Variants in C15orf62 observed in about 807,000 individuals in gnomAD.
C15orf62 encodes chromosome 15 open reading frame 62, also known as uncharacterized protein C15orf62, mitochondrial.
In C15orf62, 11 loss-of-function variants were observed where a neutral mutation model predicts 13.2. The ratio of observed to expected loss-of-function variants is 0.83; its 90% CI spans 0.52 to 1.38. The LOEUF (loss-of-function observed/expected upper bound fraction) is 1.38. Among genes scored for constraint, C15orf62 ranks in the 40% most tolerant of loss-of-function variants. The probability of loss-of-function intolerance (pLI) is 0.00; values close to 1 mark genes in which losing one functional copy is unlikely to be tolerated. For synonymous variants in C15orf62, 88 were observed against 95.6 expected, an observed-to-expected ratio of 0.92 and a Z score of 0.46; for missense variants, 204 against 229.1, an observed-to-expected ratio of 0.89 and a Z score of 0.71.
Position 40,770,261 on chromosome 15 carries a change from G to C in C15orf62, c.-235G>C, listed in dbSNP as rs1392414887. 3.6e-6 allele frequency: 2 copies of C among 560,342 alleles called. No homozygotes were observed. Among genetic ancestry groups the C allele is most frequent in the East Asian group, 3.0e-5 (1 of 33,758 alleles). The allele number at this position is 560,342 out of a possible 1,614,324, so 34.7% of individuals were successfully genotyped here. A position where few individuals can be genotyped will look rare whatever the true frequency, so the allele number is the denominator to read the frequency against. ...TAACCAGGCCACTCCTGTCCCTGTG[G>C]GAAACTCTTGCTGCCAGGAACTCCC... On this transcript the variant is annotated 5_prime_UTR_variant, in exon 1 of 1. Coordinates refer to ENST00000344320, the MANE Select transcript of C15orf62 (RefSeq NM_001130448.3). This position sits in a 1 kb window ranked among gnomAD's most constrained non-coding sequence, Gnocchi z 5.0.
chr15:40,771,425 G>A lies in C15orf62; in HGVS notation c.*402G>A. On this transcript the variant is annotated 3_prime_UTR_variant, in exon 1 of 1. Coordinates refer to ENST00000344320, the MANE Select transcript of C15orf62 (RefSeq NM_001130448.3). ...CAGGGAGTGGGAGGACACAGACTGA[G>A]CAGAAGAGATGAGTGCCCCATGCCA... 1 of 233,970 alleles carries A rather than the reference G, an allele frequency of 4.3e-6. No homozygotes were observed. Among genetic ancestry groups the A allele is most frequent in the Non-Finnish European group, 9.2e-6 (1 of 108,814 alleles). The allele number at this position is 233,970 out of a possible 1,614,324, so 14.5% of individuals were successfully genotyped here.
Position 40,771,104 on chromosome 15 carries a change from A to AGCGATG in C15orf62, c.*82_*83insCGATGG. Reference sequence around the variant, plus strand: ...AAGGAAAGGACAGGGACAGGACTCCAGGCCCATCGCTGGAGGGTTCAGGCA... The same window carrying AGCGATG: ...AAGGAAAGGACAGGGACAGGACTCCAGCGATGGGCCCATCGCTGGAGGGTTCAGGCA... On this transcript the variant is annotated 3_prime_UTR_variant, in exon 1 of 1. Transcript: ENST00000344320. The AGCGATG allele has an allele frequency of 7.5e-7, 1 of 1,335,732 alleles. No homozygotes were observed. The allele number at this position is 1,335,732 out of a possible 1,614,324, so 82.7% of individuals were successfully genotyped here.
Position 40,770,351 on chromosome 15 carries a change from G to A in C15orf62, c.-145G>A. The A allele has an allele frequency of 1.3e-6, 1 of 759,130 alleles. No homozygotes were observed. Among genetic ancestry groups the A allele is most frequent in the Non-Finnish European group, 2.1e-6 (1 of 482,908 alleles). 47.0% of individuals were successfully genotyped at this position (759,130 alleles called of 1,614,324 possible). On this transcript the variant is annotated 5_prime_UTR_variant, in exon 1 of 1. It adds an upstream start codon to the 5' untranslated region. Transcript: ENST00000344320. This position sits in a 1 kb window ranked among gnomAD's most constrained non-coding sequence, Gnocchi z 5.0. ...GAGCCCTCCTCTCACCATCCAAGAT[G>A]TGGTCAAAGGTCTGTGCTGAGTGGA...
chr15:40,771,257 G>T lies in C15orf62; in HGVS notation c.*234G>T, dbSNP rs117477898. 20 of 568,136 alleles carry T rather than the reference G, an allele frequency of 3.5e-5. No homozygotes were observed. Among genetic ancestry groups the T allele is most frequent in the Middle Eastern group, 4.8e-4 (1 of 2,092 alleles). The allele number at this position is 568,136 out of a possible 1,614,324, so 35.2% of individuals were successfully genotyped here. ...GGACAGAGGCAATCTGGAAATGTTG[G>T]GGGGGCGGCCCTTCCTGGCAGGACC... On this transcript the variant is annotated 3_prime_UTR_variant, in exon 1 of 1. Coordinates refer to ENST00000344320, the MANE Select transcript of C15orf62 (RefSeq NM_001130448.3).
At position 40,770,326 on chromosome 15, in the gene C15orf62, G is replaced by C. The variant is rs996117606; in HGVS notation, c.-170G>C. 17 of 664,358 alleles carry C rather than the reference G, an allele frequency of 2.6e-5. No homozygotes were observed. Among genetic ancestry groups the C allele is most frequent in the Non-Finnish European group, 4.2e-5 (17 of 400,696 alleles). The allele number at this position is 664,358 out of a possible 1,614,324, so 41.2% of individuals were successfully genotyped here. A position where few individuals can be genotyped will look rare whatever the true frequency, so the allele number is the denominator to read the frequency against. ...CTGGGCAAAAAAGTTCCTTCTTCCT[G>C]AGCCCTCCTCTCACCATCCAAGATG... On this transcript the variant is annotated 5_prime_UTR_variant, in exon 1 of 1. Coordinates refer to ENST00000344320, the MANE Select transcript of C15orf62 (RefSeq NM_001130448.3). The surrounding 1 kb of genome is among the most constrained non-coding windows in gnomAD (Gnocchi z 5.0).
At position 40,770,833 on chromosome 15, in the gene C15orf62, C is replaced by T. The variant is rs1004542929; in HGVS notation, c.338C>T (p.Ala113Val). ...TAAYSATLPSALSLSSALHQH... is the reference protein window; with the variant it reads ...TAAYSATLPSVLSLSSALHQH... ...GCCTACTCTGCCACCCTGCCATCGG[C>T]GCTCTCTCTGTCGAGTGCCCTCCAC... The change falls in exon 1 of 1, where the codon GCG (alanine) becomes GTG (valine). Residue 113 changes from alanine (A) to valine (V), a missense_variant. Transcript: ENST00000344320. This position sits in a 1 kb window ranked among gnomAD's most constrained non-coding sequence, Gnocchi z 5.0. 14 of 1,551,202 alleles carry T rather than the reference C, an allele frequency of 9.0e-6. No individual in the cohort carries two copies. Among genetic ancestry groups the T allele is most frequent in the African/African-American group, 4.1e-5 (3 of 73,048 alleles).
rs1889096670 is a variant in C15orf62, at chr15:40,770,459, G to A, written c.-37G>A. On this transcript the variant is annotated 5_prime_UTR_variant, in exon 1 of 1. Transcript: ENST00000344320. The surrounding 1 kb of genome is among the most constrained non-coding windows in gnomAD (Gnocchi z 5.0). ...AGCAGGGACCACATGCACCCTGGCT[G>A]CTCCTGAACACCTGTCTGCTGGCTC... The A allele has an allele frequency of 1.3e-6, 2 of 1,520,192 alleles. No individual in the cohort carries two copies. The highest frequency in any genetic ancestry group is 8.8e-7 in the Non-Finnish European group (1 of 1,133,382). 94.2% of individuals were successfully genotyped at this position (1,520,192 alleles called of 1,614,324 possible).
Position 40,770,262 on chromosome 15 carries a change from G to A in C15orf62, c.-234G>A. The stretch of plus-strand genomic sequence containing the variant: ...AACCAGGCCACTCCTGTCCCTGTGG[G>A]AAACTCTTGCTGCCAGGAACTCCCA... On this transcript the variant is annotated 5_prime_UTR_variant, in exon 1 of 1. Transcript: ENST00000344320. The surrounding 1 kb of genome is among the most constrained non-coding windows in gnomAD (Gnocchi z 5.0). 1 of 562,156 alleles carries A rather than the reference G, an allele frequency of 1.8e-6. No individual in the cohort carries two copies. Among genetic ancestry groups the A allele is most frequent in the East Asian group, 3.0e-5 (1 of 33,864 alleles). The allele number at this position is 562,156 out of a possible 1,614,324, so 34.8% of individuals were successfully genotyped here. A position where few individuals can be genotyped will look rare whatever the true frequency, so the allele number is the denominator to read the frequency against.
At position 40,771,141 on chromosome 15, in the gene C15orf62, T is replaced by C; in HGVS notation, c.*118T>C. On this transcript the variant is annotated 3_prime_UTR_variant, in exon 1 of 1. Transcript: ENST00000344320. ...GGAGGGTTCAGGCAGGCAGAGCTTCTTCATCCTGGGGGAGGATTCCAGGAT... is the reference window on the plus strand; with the variant it reads ...GGAGGGTTCAGGCAGGCAGAGCTTCCTCATCCTGGGGGAGGATTCCAGGAT... 1 of 952,904 alleles carries C rather than the reference T, an allele frequency of 1.0e-6. No individual in the cohort carries two copies. Among genetic ancestry groups the C allele is most frequent in the Non-Finnish European group, 1.6e-6 (1 of 641,662 alleles). 59.0% of individuals were successfully genotyped at this position (952,904 alleles called of 1,614,324 possible).
Position 40,771,378 on chromosome 15 carries a change from A to G in C15orf62, c.*355A>G. 1 of 310,162 alleles carries G rather than the reference A, an allele frequency of 3.2e-6. No homozygotes were observed. Among genetic ancestry groups the G allele is most frequent in the South Asian group, 4.2e-5 (1 of 23,686 alleles). The allele number at this position is 310,162 out of a possible 1,614,324, so 19.2% of individuals were successfully genotyped here. The stretch of plus-strand genomic sequence containing the variant: ...GAACCAGGTAGAGGCTGGCAGAGCC[A>G]GAAGGTGGCACGGGGTCAGATCAGG... On this transcript the variant is annotated 3_prime_UTR_variant, in exon 1 of 1. Coordinates refer to ENST00000344320, the MANE Select transcript of C15orf62 (RefSeq NM_001130448.3).
rs964634838 is a variant in C15orf62 at position 40,770,257 on chromosome 15, T to C, written c.-239T>C. On this transcript the variant is annotated 5_prime_UTR_variant, in exon 1 of 1. Coordinates refer to ENST00000344320, the MANE Select transcript of C15orf62 (RefSeq NM_001130448.3). The surrounding 1 kb of genome is among the most constrained non-coding windows in gnomAD (Gnocchi z 5.0). Reference sequence around the variant, plus strand: ...TCAGTAACCAGGCCACTCCTGTCCCTGTGGGAAACTCTTGCTGCCAGGAAC... The same window carrying C: ...TCAGTAACCAGGCCACTCCTGTCCCCGTGGGAAACTCTTGCTGCCAGGAAC... The C allele has an allele frequency of 5.4e-6, 3 of 558,654 alleles. No homozygotes were observed. The highest frequency in any genetic ancestry group is 3.8e-5 in the African/African-American group (2 of 53,130). The allele number at this position is 558,654 out of a possible 1,614,324, so 34.6% of individuals were successfully genotyped here.
Position 40,770,582 on chromosome 15 carries a change from G to C in C15orf62, c.87G>C (p.Gln29His). 6.4e-7 allele frequency: 1 copy of C among 1,550,688 alleles called. No homozygotes were observed. The highest frequency in any genetic ancestry group is 8.7e-7 in the Non-Finnish European group (1 of 1,146,976). Reference protein sequence around the residue: ...SLGRPRRLRRQSSVLSQASTA... With the variant: ...SLGRPRRLRRHSSVLSQASTA... Reference sequence around the variant, plus strand: ...GGCGGCCACGGCGGCTCCGGCGACAGAGTAGTGTGCTTAGCCAGGCCAGCA... The same window carrying C: ...GGCGGCCACGGCGGCTCCGGCGACACAGTAGTGTGCTTAGCCAGGCCAGCA... Residue 29 changes from glutamine (Q) to histidine (H), a missense_variant, in exon 1 of 1, where the codon CAG (glutamine) becomes CAC (histidine). By Grantham distance (24) the Gln-to-His change is conservative. Coordinates refer to ENST00000344320, the MANE Select transcript of C15orf62 (RefSeq NM_001130448.3). The surrounding 1 kb of genome is among the most constrained non-coding windows in gnomAD (Gnocchi z 5.0).
chr15:40,770,723 G>T lies in C15orf62; in HGVS notation c.228G>T (p.Leu76=). 1 of 1,545,928 alleles carries T rather than the reference G, an allele frequency of 6.5e-7. No homozygotes were observed. Residue 76 remains leucine, a synonymous_variant, in exon 1 of 1, where the codon CTG becomes CTT. Transcript: ENST00000344320. The surrounding 1 kb of genome is among the most constrained non-coding windows in gnomAD (Gnocchi z 5.0). ...GGGACGAGCAGCCCCGGGCCACCCT[G>T]CTGGCCCCACCCAAGCCCCCACGCC... is the stretch of plus-strand genomic sequence containing the variant. ...LWGDEQPRAT[L]LAPPKPPRLY... is the part of the protein sequence containing the mutation.
rs1889139023 is a variant in C15orf62, at chr15:40,771,457, T to C, written c.*434T>C. 2 of 194,434 alleles carry C rather than the reference T, an allele frequency of 1.0e-5. No homozygotes were observed. Among genetic ancestry groups the C allele is most frequent in the Admixed American group, 1.1e-4 (2 of 18,632 alleles). 12.0% of individuals were successfully genotyped at this position (194,434 alleles called of 1,614,324 possible). A position where few individuals can be genotyped will look rare whatever the true frequency, so the allele number is the denominator to read the frequency against. On this transcript the variant is annotated 3_prime_UTR_variant, in exon 1 of 1. Coordinates refer to ENST00000344320, the MANE Select transcript of C15orf62 (RefSeq NM_001130448.3). Reference sequence around the variant, plus strand: ...AGATGAGTGCCCCATGCCAGCCTCTTTGGAAGCCACTGTCAACAGAGAGAG... The same window carrying C: ...AGATGAGTGCCCCATGCCAGCCTCTCTGGAAGCCACTGTCAACAGAGAGAG...
In C15orf62 at chr15:40,770,881, T is replaced by C. The variant is rs1255943742; in HGVS notation, c.386T>C (p.Val129Ala). The C allele has an allele frequency of 1.3e-6, 2 of 1,551,442 alleles. No individual in the cohort carries two copies. The highest frequency in any genetic ancestry group is 3.9e-5 in the Admixed American group (2 of 50,994). The change falls in exon 1 of 1, where the codon GTG becomes GCG. Residue 129 changes from valine to alanine, a missense_variant. Transcript: ENST00000344320. The surrounding 1 kb of genome is among the most constrained non-coding windows in gnomAD (Gnocchi z 5.0). ...ALHQHSEKGL[V>A]DTPCFQRTPT... ...CACCAGCACTCAGAGAAGGGCCTTG[T>C]GGACACTCCCTGCTTCCAGAGGACA...
Position 40,771,269 on chromosome 15 carries a change from T to G in C15orf62, c.*246T>G. On this transcript the variant is annotated 3_prime_UTR_variant, in exon 1 of 1. Transcript: ENST00000344320. ...TCTGGAAATGTTGGGGGGGCGGCCCTTCCTGGCAGGACCCTGAAGAAAGCT... is the reference window on the plus strand; with the variant it reads ...TCTGGAAATGTTGGGGGGGCGGCCCGTCCTGGCAGGACCCTGAAGAAAGCT... The G allele has an allele frequency of 5.5e-6, 3 of 544,150 alleles. No individual in the cohort carries two copies. The highest frequency in any genetic ancestry group is 1.0e-5 in the Non-Finnish European group (3 of 296,836). The allele number at this position is 544,150 out of a possible 1,614,324, so 33.7% of individuals were successfully genotyped here. A position where few individuals can be genotyped will look rare whatever the true frequency, so the allele number is the denominator to read the frequency against.
chr15:40,771,255 T>C lies in C15orf62; in HGVS notation c.*232T>C, dbSNP rs540256360. 8 of 563,302 alleles carry C rather than the reference T, an allele frequency of 1.4e-5. No individual in the cohort carries two copies. Among genetic ancestry groups the C allele is most frequent in the Non-Finnish European group, 2.3e-5 (7 of 309,580 alleles). The allele number at this position is 563,302 out of a possible 1,614,324, so 34.9% of individuals were successfully genotyped here. On this transcript the variant is annotated 3_prime_UTR_variant, in exon 1 of 1. Coordinates refer to ENST00000344320, the MANE Select transcript of C15orf62 (RefSeq NM_001130448.3). ...AGGGACAGAGGCAATCTGGAAATGT[T>C]GGGGGGGCGGCCCTTCCTGGCAGGA...
At position 40,770,651 on chromosome 15, in the gene C15orf62, CCGGG is replaced by C. The variant is rs886249751; in HGVS notation, c.157_160del (p.Arg53SerfsTer112). The C allele has an allele frequency of 1.0e-5, 16 of 1,549,960 alleles. No individual in the cohort carries two copies. Among genetic ancestry groups the C allele is most frequent in the Non-Finnish European group, 1.4e-5 (16 of 1,146,972 alleles). ...AGGAGTACAGCAACCGAGAAGTCAT[CCGGG>C]AGCTACAAGGGAGGCCAGATGGCCG... is the stretch of plus-strand genomic sequence containing the variant. On this transcript the variant is annotated frameshift_variant, in exon 1 of 1. Coordinates refer to ENST00000344320, the MANE Select transcript of C15orf62 (RefSeq NM_001130448.3). LOFTEE classifies it high-confidence loss of function. The surrounding 1 kb of genome is among the most constrained non-coding windows in gnomAD (Gnocchi z 5.0).
In C15orf62 at chr15:40,771,224, G is replaced by C. The variant is rs965332201; in HGVS notation, c.*201G>C. Reference sequence around the variant, plus strand: ...CTGGACAGTCCTTCCAGGCACCCCAGAGTGGAGGGACAGAGGCAATCTGGA... The same window carrying C: ...CTGGACAGTCCTTCCAGGCACCCCACAGTGGAGGGACAGAGGCAATCTGGA... On this transcript the variant is annotated 3_prime_UTR_variant, in exon 1 of 1. Coordinates refer to ENST00000344320, the MANE Select transcript of C15orf62 (RefSeq NM_001130448.3). The C allele has an allele frequency of 1.8e-5, 11 of 614,858 alleles. No individual in the cohort carries two copies. In the African/African-American group the frequency reaches 1.9e-4, roughly 10 times the overall value. The allele number at this position is 614,858 out of a possible 1,614,324, so 38.1% of individuals were successfully genotyped here.
Sources: gnomAD v4.1 joint callset for allele counts on GRCh38, gnomAD v4.1.1 for gene constraint, Gnocchi (gnomAD v3.1) non-coding constraint, MANE v1.5 for transcripts, NCBI Gene and HGNC (gene_info 2026-07-23, HGNC 2026-07-21) for gene names.